BMP2K: variants seen among roughly 807,000 people sequenced by gnomAD.
BMP2K encodes the protein BMP-2-inducible protein kinase.
BMP2K carries 74 observed loss-of-function variants against 116.0 expected under a neutral mutation model. The ratio of observed to expected loss-of-function variants is 0.64; its 90% CI spans 0.53 to 0.77. BMP2K has a LOEUF of 0.77. BMP2K is among the 30% of genes least tolerant of loss of function. BMP2K has a pLI of 0.00. For synonymous variants in BMP2K, 486 were observed against 502.5 expected, an observed-to-expected ratio of 0.97 and a Z score of 0.44; for missense variants, 1,365 against 1,403.6, an observed-to-expected ratio of 0.97 and a Z score of 0.44.
chr4:78,782,066 A>G (rs1025353063), intron 1 of BMP2K, among the ~76,000 whole-genome samples: 1 of 152,078 alleles, frequency 6.6e-6, no homozygotes, highest in Admixed American at 6.5e-5. Context: ...ACCTGTAATT[A>G]TTTGCTAGGT....
chr4:78,857,087 A>G (rs926005106), intron 7 of BMP2K, among the ~76,000 whole-genome samples: 2 of 152,164 alleles, frequency 1.3e-5, no homozygotes, highest in African/African-American at 4.8e-5. Flanking sequence ...CATTTTAGTT[A>G]TGACCTGGTA....
chr4:78,829,046 T>C (rs1730021588), intron 2 of BMP2K, among the ~76,000 whole-genome samples: 1 of 152,212 alleles, frequency 6.6e-6, no homozygotes, highest in Admixed American at 6.5e-5. Flanking sequence ...GTTCCAATAA[T>C]GGGACACTGG....
chr4:78,802,557 A>G (rs1560506094), intron 1 of BMP2K, among the ~76,000 whole-genome samples: 1 of 152,346 alleles, frequency 6.6e-6, no homozygotes, highest in East Asian at 1.9e-4. Flanking sequence ...AAATATATGT[A>G]TTAAGACCTG....
chr4:78,779,186 T>G (rs1727387929), intron 1 of BMP2K, among the ~76,000 whole-genome samples: 1 of 152,192 alleles, frequency 6.6e-6, no homozygotes, highest in Admixed American at 6.5e-5. Context: ...GTTAGATTCC[T>G]GAAAGCTGCT....
rs796994966 is a variant in BMP2K, at chr4:78,912,558, C to G, written c.*525C>G. 9 of 152,396 alleles carry G rather than the reference C, an allele frequency of 5.9e-5. No individual in the cohort carries two copies. The highest frequency in any genetic ancestry group is 1.3e-4 in the Admixed American group (2 of 15,296). The allele number at this position is 152,396 out of a possible 1,614,324, so 9.4% of individuals were successfully genotyped here. On this transcript the variant is annotated 3_prime_UTR_variant, in exon 16 of 16. Transcript: ENST00000502613. ...AGTGCAGAGATTTCAGTCCATACAC[C>G]TTTCTCCACAAAGCAGAGCCAGAAG...
intron 10 of BMP2K, among the ~76,000 whole-genome samples, chr4:78,868,110 G>A (rs182942742): frequency 1.3e-4 from 20 of 152,158 alleles, no homozygotes; most frequent in Non-Finnish European, 2.6e-4. Context: ...CTATACATAC[G>A]TATTAGTTCG....
At chr4:78,787,483 A>G (rs1337360737) in intron 1 of BMP2K, among the ~76,000 whole-genome samples, 1 of 152,188 alleles carries the variant, frequency 6.6e-6, no homozygotes, top group Non-Finnish European at 1.5e-5. Context: ...ACCGTTAGAC[A>G]GAGTGGGAGC....
intron 1 of BMP2K, among the ~76,000 whole-genome samples, chr4:78,820,261 G>A (rs1264244790): frequency 3.3e-5 from 5 of 152,116 alleles, no homozygotes; most frequent in South Asian, 4.1e-4. Flanking sequence ...TGCTATGTGC[G>A]ATGACTGGAT....
At chr4:78,859,396 T>C (rs368302129) in intron 7 of BMP2K, 188 bp from the exon 8 acceptor site, 1 of 445,218 alleles carries the variant, frequency 2.2e-6, no homozygotes, top group Non-Finnish European at 4.0e-6. Flanking sequence ...TACCCTTAGC[T>C]TGGGATAATG....
At chr4:78,837,498 CTCTT>C (rs1730543808) in intron 3 of BMP2K, among the ~76,000 whole-genome samples, 1 of 152,132 alleles carries the variant, frequency 6.6e-6, no homozygotes, top group Non-Finnish European at 1.5e-5. Context: ...CCCAGCTTGA[CTCTT>C]TCGTGTTCTC....
At position 78,832,349 on chromosome 4, in the gene BMP2K, T is replaced by C. The variant is rs184269973; in HGVS notation, c.298-1233T>C. 3.3e-4 allele frequency among the ~76,000 whole-genome samples: 51 copies of C among 152,332 alleles called. 1 individual carries two copies. The East Asian group carries it at 9.4e-3, about 28-fold the overall frequency. The stretch of plus-strand genomic sequence containing the variant: ...TTGTTATTAATGTCAGTTGTACTTA[T>C]CCACCTGCTAAGAGGGGGATTTCTT... On this transcript the variant is annotated intron_variant, in intron 2 of 15. Coordinates refer to ENST00000502613, the MANE Select transcript of BMP2K (RefSeq NM_198892.2).
At chr4:78,853,926 T>C (rs978290961) in intron 7 of BMP2K, among the ~76,000 whole-genome samples, 2 of 152,118 alleles carry the variant, frequency 1.3e-5, no homozygotes, top group African/African-American at 4.8e-5. Flanking sequence ...TAATTTCTGA[T>C]TTTCTGGATA....
At chr4:78,805,567 A>T (rs1728775002) in intron 1 of BMP2K, among the ~76,000 whole-genome samples, 1 of 152,232 alleles carries the variant, frequency 6.6e-6, no homozygotes. Context: ...TTTTCAGCAT[A>T]CAAATTTTTA....
At chr4:78,796,109 G>A (rs1254448796) in intron 1 of BMP2K, among the ~76,000 whole-genome samples, 2 of 152,072 alleles carry the variant, frequency 1.3e-5, no homozygotes, top group Non-Finnish European at 2.9e-5. Flanking sequence ...TATCGCAGCA[G>A]CATTCACAAT....
At chr4:78,850,863 G>T in intron 6 of BMP2K, 61 bp from the exon 7 acceptor site, 2 of 1,562,634 alleles carry the variant, frequency 1.3e-6, no homozygotes, top group Non-Finnish European at 1.7e-6. Flanking sequence ...TTGAGTTTTT[G>T]GCTATTTTTG....
chr4:78,829,402 G>GTTTT (rs79345386), intron 2 of BMP2K, among the ~76,000 whole-genome samples: 1 of 133,854 alleles, frequency 7.5e-6, no homozygotes. Flanking sequence ...ATAGTTTTTT[G>GTTTT]TTTTTTTTTT....
chr4:78,798,844 A>G (rs1728425901), intron 1 of BMP2K, among the ~76,000 whole-genome samples: 1 of 152,238 alleles, frequency 6.6e-6, no homozygotes, highest in Admixed American at 6.5e-5. Flanking sequence ...AGAGAATACA[A>G]GCTGAGAGAA....
intron 4 of BMP2K, 42 bp from the exon 5 acceptor site, chr4:78,844,886 C>G (rs1305826710): frequency 1.3e-6 from 2 of 1,517,352 alleles, no homozygotes; most frequent in East Asian, 4.5e-5. Flanking sequence ...AGTTAATTTT[C>G]ACTTTGAAAA....
intron 2 of BMP2K, among the ~76,000 whole-genome samples, chr4:78,827,851 A>G (rs1055525804): frequency 6.6e-6 from 1 of 152,244 alleles, no homozygotes; most frequent in African/African-American, 2.4e-5. Context: ...TCAAAGTAGC[A>G]GCCATCCAAA....
Sources: allele counts gnomAD v4.1 joint callset (sites outside exome capture counted in the v4.1 genomes callset), GRCh38; gene constraint gnomAD v4.1.1; transcripts MANE v1.5; gene names NCBI Gene and HGNC (gene_info 2026-07-23, HGNC 2026-07-21).